The following UGT1A7 variants were observed in gnomAD, a reference collection of about 807,000 sequenced individuals.
UGT1A7 encodes UDP glucuronosyltransferase family 1 member A7.
A neutral mutation model predicts 45.6 loss-of-function variants in UGT1A7; 33 were observed. That is an observed-to-expected ratio of 0.72 (90% CI 0.55 to 0.97). The LOEUF is 0.97. Among genes scored for constraint, UGT1A7 ranks in the 50% least tolerant of loss-of-function variants. UGT1A7 has a pLI of 0.00. For synonymous variants in UGT1A7, 274 were observed against 250.6 expected (o/e 1.09, Z -0.88); for missense variants, 684 against 666.2 (o/e 1.03, Z -0.29).
At chr2:233,697,756 T>A (rs974445087) in intron 1 of UGT1A7, among the ~76,000 whole-genome samples, 2 of 152,164 alleles carry the variant, frequency 1.3e-5, no homozygotes, top group Non-Finnish European at 2.9e-5. Flanking sequence ...GCCCATAGAT[T>A]TTGATACATT....
rs1003147991 is a variant in UGT1A7 at position 233,772,600 on chromosome 2, T to C, written c.*41T>C. 1 of 1,591,692 alleles carries C rather than the reference T, an allele frequency of 6.3e-7. No homozygotes were observed. The highest frequency in any genetic ancestry group is 8.6e-7 in the Non-Finnish European group (1 of 1,168,178). ...TAAGGTAAAATTTTGAACCATTCCC[T>C]AGTCATTTCCAAACTTGAAAACAGA... On this transcript the variant is annotated 3_prime_UTR_variant, in exon 5 of 5. Coordinates refer to ENST00000373426, the MANE Select transcript of UGT1A7 (RefSeq NM_019077.3).
At chr2:233,693,092 C>G (rs1334176855) in intron 1 of UGT1A7, 3 of 1,614,128 alleles carry the variant, frequency 1.9e-6, no homozygotes, top group South Asian at 1.1e-5. Flanking sequence ...TGACAAGCTG[C>G]TGGTGGTCCC....
chr2:233,719,188 C>T (rs771753301), intron 1 of UGT1A7: 23 of 1,614,004 alleles, frequency 1.4e-5, no homozygotes, highest in Admixed American at 1.0e-4. Flanking sequence ...GTATCTTTGG[C>T]CCTTCATAGG....
At chr2:233,768,912 T>C (rs923481624) in intron 4 of UGT1A7, among the ~76,000 whole-genome samples, 1 of 152,140 alleles carries the variant, frequency 6.6e-6, no homozygotes, top group African/African-American at 2.4e-5. Context: ...AATTTAGAGG[T>C]TATTATTCAC....
At chr2:233,771,972 A>G (rs1700426237) in intron 4 of UGT1A7, among the ~76,000 whole-genome samples, 1 of 152,212 alleles carries the variant, frequency 6.6e-6, no homozygotes, top group African/African-American at 2.4e-5. Flanking sequence ...AAAATTGGCC[A>G]GACATAGTGG....
At chr2:233,747,961 G>A (rs529720964) in intron 1 of UGT1A7, 1 of 1,613,428 alleles carries the variant, frequency 6.2e-7, no homozygotes, top group South Asian at 1.1e-5. Context: ...GATCTTCTCA[G>A]CCATGCATCT....
intron 1 of UGT1A7, among the ~76,000 whole-genome samples, chr2:233,753,929 G>A (rs147100101): frequency 1.3e-5 from 2 of 152,234 alleles, no homozygotes; most frequent in African/African-American, 4.8e-5. Context: ...CAGTGATATG[G>A]GATTCAAATG....
chr2:233,685,426 T>C (rs944472894), intron 1 of UGT1A7, among the ~76,000 whole-genome samples: 7 of 151,650 alleles, frequency 4.6e-5, no homozygotes, highest in African/African-American at 1.7e-4. Flanking sequence ...AATCCAGTTA[T>C]AAAGAATTCG....
At position 233,772,260 on chromosome 2, in the gene UGT1A7, A is replaced by G; in HGVS notation, c.1296-2A>G. 1 of 1,614,264 alleles carries G rather than the reference A, an allele frequency of 6.2e-7. No homozygotes were observed. Among genetic ancestry groups the G allele is most frequent in the Non-Finnish European group, 8.5e-7 (1 of 1,180,050 alleles). ...GCATAACGAAACTGTCTTTGTGTTT[A>G]GTTACAAGGAGAACATCATGCGCCT... On this transcript the variant is annotated splice_acceptor_variant, in intron 4 of 4. Transcript: ENST00000373426. LOFTEE classifies it high-confidence loss of function.
At chr2:233,743,723 T>C (rs1252847371) in intron 1 of UGT1A7, 5 of 1,367,380 alleles carry the variant, frequency 3.7e-6, no homozygotes, top group South Asian at 2.3e-5. Flanking sequence ...ATAGCGGTCA[T>C]AGATATCGCG....
chr2:233,688,714 C>G (rs2074911087), intron 1 of UGT1A7, among the ~76,000 whole-genome samples: 1 of 152,160 alleles, frequency 6.6e-6, no homozygotes, highest in African/African-American at 2.4e-5. Flanking sequence ...GAACAAATAT[C>G]TGTTGAGAGT....
intron 1 of UGT1A7, among the ~76,000 whole-genome samples, chr2:233,697,387 A>T (rs2075388301): frequency 6.6e-6 from 1 of 152,000 alleles, no homozygotes; most frequent in Non-Finnish European, 1.5e-5. Context: ...ATAATCGCTA[A>T]TGATCCTTTG....
At chr2:233,751,090 G>C (rs1035981747) in intron 1 of UGT1A7, among the ~76,000 whole-genome samples, 2 of 151,962 alleles carry the variant, frequency 1.3e-5, no homozygotes, top group African/African-American at 2.4e-5. Context: ...GCAGCCAGGA[G>C]GAGGGCTTTG....
At chr2:233,743,804 T>C (rs1692519610) in intron 1 of UGT1A7, 4 of 1,367,166 alleles carry the variant, frequency 2.9e-6, no homozygotes, top group Non-Finnish European at 2.9e-6. Context: ...TTCCTCCTTG[T>C]TCTCAGGGTT....
chr2:233,693,977 TG>T, intron 1 of UGT1A7: 1 of 1,559,126 alleles, frequency 6.4e-7, no homozygotes, highest in Non-Finnish European at 8.7e-7. Flanking sequence ...GGAGAAACGG[TG>T]GGGGGAAGTG....
intron 1 of UGT1A7, among the ~76,000 whole-genome samples, chr2:233,705,038 A>C (rs1020748374): frequency 6.6e-6 from 1 of 151,956 alleles, no homozygotes; most frequent in Non-Finnish European, 1.5e-5. Context: ...CGGGAGGCTG[A>C]GGCAGGAGAA....
intron 1 of UGT1A7, among the ~76,000 whole-genome samples, chr2:233,699,734 C>G (rs943749352): frequency 6.6e-6 from 1 of 152,176 alleles, no homozygotes. Flanking sequence ...GGAGCGTTTT[C>G]CCAGAAAACT....
chr2:233,767,741 T>TA (rs1481527437), intron 2 of UGT1A7, 108 bp from the exon 3 acceptor site: 1 of 1,582,034 alleles, frequency 6.3e-7, no homozygotes, highest in Non-Finnish European at 8.6e-7. Context: ...CCCACTCTGT[T>TA]AAAGACTGTT....
At position 233,772,492 on chromosome 2, in the gene UGT1A7, A is replaced by G; in HGVS notation, c.1526A>G (p.Tyr509Cys). Reference sequence around the variant, plus strand: ...TTCATCACCTTTAAATGTTGTGCTTATGGCTACCGGAAATGCTTGGGGAAA... The same window carrying G: ...TTCATCACCTTTAAATGTTGTGCTTGTGGCTACCGGAAATGCTTGGGGAAA... ...VAFITFKCCA[Y>C]GYRKCLGKKG... Residue 509 changes from tyrosine (Y) to cysteine (C), a missense_variant, in exon 5 of 5, where the codon TAT (tyrosine) becomes TGT (cysteine). Coordinates refer to ENST00000373426, the MANE Select transcript of UGT1A7 (RefSeq NM_019077.3). 6.2e-7 allele frequency: 1 copy of G among 1,614,134 alleles called. No individual in the cohort carries two copies. The highest frequency in any genetic ancestry group is 1.1e-5 in the South Asian group (1 of 91,080).
Sources: allele counts gnomAD v4.1 joint callset (sites outside exome capture counted in the v4.1 genomes callset), GRCh38; gene constraint gnomAD v4.1.1; transcripts MANE v1.5; gene names NCBI Gene and HGNC (gene_info 2026-07-23, HGNC 2026-07-21).